Variants in NOS1AP observed in about 807,000 individuals in gnomAD.
NOS1AP encodes the protein carboxyl-terminal PDZ ligand of neuronal nitric oxide synthase protein.
NOS1AP carries 21 observed loss-of-function variants against 56.2 expected under a neutral mutation model. The ratio of observed to expected loss-of-function variants is 0.37; its 90% CI spans 0.26 to 0.54. The LOEUF (loss-of-function observed/expected upper bound fraction) is 0.54. Ranked by LOEUF, NOS1AP falls within the 20% of genes least tolerant of loss-of-function variation. The pLI, the probability that NOS1AP is intolerant of heterozygous loss-of-function variation, is 0.84. For missense variants in NOS1AP, 522 were observed against 657.8 expected (o/e 0.79, Z 2.26); for synonymous variants, 270 against 274.6 (o/e 0.98, Z 0.17).
intron 2 of NOS1AP, among the ~76,000 whole-genome samples, chr1:162,172,442 C>A (rs1211134457): frequency 1.3e-5 from 2 of 152,152 alleles, no homozygotes; most frequent in Admixed American, 6.6e-5. Context: ...GGGATGTGGG[C>A]CTGTGAATGG....
chr1:162,073,420 C>A (rs2102008264), intron 1 of NOS1AP, among the ~76,000 whole-genome samples: 1 of 152,272 alleles, frequency 6.6e-6, no homozygotes, highest in South Asian at 2.1e-4. Context: ...GGTTGCTGGC[C>A]TCTAGAACTC....
At chr1:162,231,524 AATAAT>A (rs1335618143) in intron 2 of NOS1AP, among the ~76,000 whole-genome samples, 2 of 152,178 alleles carry the variant, frequency 1.3e-5, no homozygotes, top group African/African-American at 2.4e-5. Context: ...CCTTAATTTT[AATAAT>A]ATATTTTATT....
chr1:162,252,566 T>G (rs967709069), intron 2 of NOS1AP, among the ~76,000 whole-genome samples: 3 of 152,142 alleles, frequency 2.0e-5, no homozygotes, highest in Non-Finnish European at 4.4e-5. Flanking sequence ...TCCAATAGAT[T>G]TCAGTAGTTA....
intron 2 of NOS1AP, among the ~76,000 whole-genome samples, chr1:162,285,578 T>A (rs1655063611): frequency 6.6e-6 from 1 of 150,698 alleles, no homozygotes; most frequent in Non-Finnish European, 1.5e-5. Context: ...GCTGAGGTCC[T>A]GTCCTACCTA....
chr1:162,320,714 C>T (rs1352933657), intron 4 of NOS1AP, among the ~76,000 whole-genome samples: 4 of 152,062 alleles, frequency 2.6e-5, no homozygotes, highest in East Asian at 1.9e-4. Flanking sequence ...ATTAGCTGAG[C>T]GTGGTGGCGC....
chr1:162,138,558 A>G (rs1264819279), intron 1 of NOS1AP, among the ~76,000 whole-genome samples: 1 of 152,204 alleles, frequency 6.6e-6, no homozygotes, highest in Non-Finnish European at 1.5e-5. Flanking sequence ...GCCAAGTGCC[A>G]GTTTTTGAAG....
At chr1:162,365,101 T>G in intron 8 of NOS1AP, 1 of 1,332,034 alleles carries the variant, frequency 7.5e-7, no homozygotes, top group Non-Finnish European at 9.7e-7. Flanking sequence ...TACGTGTGTG[T>G]GTGTGGCAGG....
intron 2 of NOS1AP, among the ~76,000 whole-genome samples, chr1:162,195,186 A>C (rs967883260): frequency 1.3e-5 from 2 of 152,216 alleles, no homozygotes; most frequent in African/African-American, 4.8e-5. Flanking sequence ...AGTATCTAGC[A>C]CATAGTAGAT....
chr1:162,331,774 C>T (rs1227438145), intron 4 of NOS1AP, among the ~76,000 whole-genome samples: 1 of 152,200 alleles, frequency 6.6e-6, no homozygotes, highest in Non-Finnish European at 1.5e-5. Context: ...ACTAATTCCA[C>T]TGATGCACCC....
chr1:162,156,082 C>A (rs988227886), intron 2 of NOS1AP, among the ~76,000 whole-genome samples: 1 of 152,188 alleles, frequency 6.6e-6, no homozygotes, highest in African/African-American at 2.4e-5. Flanking sequence ...CTGAGCAGTT[C>A]ATCAGCCTAA....
intron 4 of NOS1AP, among the ~76,000 whole-genome samples, chr1:162,319,420 C>T (rs1460675813): frequency 1.3e-5 from 2 of 152,134 alleles, no homozygotes; most frequent in Non-Finnish European, 2.9e-5. Flanking sequence ...CCCATCCTTG[C>T]CCTGAGCCCA....
chr1:162,071,432 T>C (rs1691657381), intron 1 of NOS1AP, among the ~76,000 whole-genome samples: 1 of 152,234 alleles, frequency 6.6e-6, no homozygotes, highest in African/African-American at 2.4e-5. Flanking sequence ...ATCTGACATG[T>C]GCCCAGTGTG....
intron 4 of NOS1AP, among the ~76,000 whole-genome samples, chr1:162,319,210 T>A (rs1157460584): frequency 6.6e-6 from 1 of 152,190 alleles, no homozygotes; most frequent in African/African-American, 2.4e-5. Flanking sequence ...ACTCACCCAG[T>A]AGCTCACAAA....
At chr1:162,287,668 G>A (rs184715743) in intron 3 of NOS1AP, among the ~76,000 whole-genome samples, 2 of 152,090 alleles carry the variant, frequency 1.3e-5, no homozygotes, top group East Asian at 3.9e-4. Context: ...GGTGATGGGA[G>A]TCACCTCCTG....
chr1:162,233,796 A>G (rs10753778), intron 2 of NOS1AP, among the ~76,000 whole-genome samples: 41,029 of 152,112 alleles, frequency 0.27, 5,720 homozygotes, highest in East Asian at 0.39. Flanking sequence ...TTCTTGGCCT[A>G]CTAAGTGGTT....
At chr1:162,167,295 G>A (rs1170448881) in intron 2 of NOS1AP, among the ~76,000 whole-genome samples, 1 of 152,352 alleles carries the variant, frequency 6.6e-6, no homozygotes, top group South Asian at 2.1e-4. Context: ...CTTTGCAGCT[G>A]TTAATCCTCT....
intron 1 of NOS1AP, among the ~76,000 whole-genome samples, chr1:162,147,458 T>C (rs1649522310): frequency 6.6e-6 from 1 of 151,910 alleles, no homozygotes; most frequent in South Asian, 2.1e-4. Context: ...GTCTAACAAG[T>C]CTATGGATGG....
At chr1:162,306,926 G>A (rs7532839) in intron 4 of NOS1AP, among the ~76,000 whole-genome samples, 19,025 of 151,088 alleles carry the variant, frequency 0.13, 1,528 homozygotes, top group African/African-American at 0.23. Flanking sequence ...GGCAGAGGCT[G>A]CACTCCAGCC....
At chr1:162,314,575 G>T (rs1361969800) in intron 4 of NOS1AP, among the ~76,000 whole-genome samples, 3 of 152,212 alleles carry the variant, frequency 2.0e-5, no homozygotes, top group African/African-American at 4.8e-5. Context: ...AAGGGAAAGT[G>T]TGTGCAAAAT....
Sources: allele counts gnomAD v4.1 joint callset (sites outside exome capture counted in the v4.1 genomes callset), GRCh38; gene constraint gnomAD v4.1.1; transcripts MANE v1.5; gene names NCBI Gene and HGNC (gene_info 2026-07-23, HGNC 2026-07-21).